Variants in CCDC7 observed in about 807,000 individuals in gnomAD.
CCDC7 encodes coiled-coil domain containing 7.
A neutral mutation model predicts 196.9 loss-of-function variants in CCDC7; 183 were observed. That is an observed-to-expected ratio of 0.93 (90% CI 0.82 to 1.05). CCDC7 has a LOEUF of 1.05. Ranked by LOEUF, CCDC7 falls within the 50% of genes least tolerant of loss-of-function variation. CCDC7 has a pLI of 0.00. For missense variants in CCDC7, 1,540 were observed against 1,482.2 expected (o/e 1.04, Z -0.64); for synonymous variants, 525 against 484.6 (o/e 1.08, Z -1.10).
chr10:32,824,106 C>G (rs1297925832), intron 31 of CCDC7, among the ~76,000 whole-genome samples: 1 of 151,894 alleles, frequency 6.6e-6, no homozygotes, highest in African/African-American at 2.4e-5. Flanking sequence ...GATGTTCCAC[C>G]TCACCAGATA....
chr10:32,568,386 A>G (rs989848069), intron 15 of CCDC7, among the ~76,000 whole-genome samples: 1 of 152,146 alleles, frequency 6.6e-6, no homozygotes, highest in Non-Finnish European at 1.5e-5. Context: ...TATGACTTAA[A>G]TATATACTGA....
chr10:32,561,301 T>A (rs1017336365), intron 13 of CCDC7, among the ~76,000 whole-genome samples: 1 of 152,158 alleles, frequency 6.6e-6, no homozygotes, highest in African/African-American at 2.4e-5. Flanking sequence ...CAAGCAGACC[T>A]AATAGACATC....
chr10:32,481,458 T>C (rs1244448928), intron 8 of CCDC7, among the ~76,000 whole-genome samples: 1 of 152,236 alleles, frequency 6.6e-6, no homozygotes, highest in Non-Finnish European at 1.5e-5. Flanking sequence ...ATGTTTTTGA[T>C]GTTATAATTC....
chr10:32,535,441 A>G (rs1366506399), intron 11 of CCDC7, among the ~76,000 whole-genome samples: 1 of 152,180 alleles, frequency 6.6e-6, no homozygotes, highest in African/African-American at 2.4e-5. Context: ...CAATCAATAC[A>G]TGTGAAGTAT....
intron 41 of CCDC7, among the ~76,000 whole-genome samples, chr10:32,863,104 C>T (rs1048676244): frequency 6.6e-5 from 10 of 151,780 alleles, no homozygotes; most frequent in African/African-American, 1.9e-4. Flanking sequence ...TAACAAAATA[C>T]CAATCAAAAT....
chr10:32,455,479 T>C (rs1014973633), intron 2 of CCDC7, among the ~76,000 whole-genome samples: 3 of 152,054 alleles, frequency 2.0e-5, no homozygotes, highest in African/African-American at 7.2e-5. Context: ...CTCGCCCAGC[T>C]AATTTTTTTG....
At chr10:32,747,965 A>C (rs1180008840) in intron 28 of CCDC7, among the ~76,000 whole-genome samples, 1 of 152,240 alleles carries the variant, frequency 6.6e-6, no homozygotes, top group Non-Finnish European at 1.5e-5. Context: ...GTCAACAAAG[A>C]TGCCTATCAA....
chr10:32,654,570 G>T (rs1371813622), intron 20 of CCDC7, among the ~76,000 whole-genome samples: 1 of 152,086 alleles, frequency 6.6e-6, no homozygotes, highest in Non-Finnish European at 1.5e-5. Context: ...TGCTTAGTTA[G>T]CTTAGTGATC....
intron 13 of CCDC7, among the ~76,000 whole-genome samples, chr10:32,555,560 A>G (rs878869884): frequency 3.3e-5 from 5 of 152,092 alleles, no homozygotes; most frequent in African/African-American, 9.7e-5. Context: ...TAACTTTTTA[A>G]GGAGAGGACA....
At chr10:32,821,797 A>T (rs1388303935) in intron 31 of CCDC7, among the ~76,000 whole-genome samples, 1 of 148,948 alleles carries the variant, frequency 6.7e-6, no homozygotes, top group African/African-American at 2.5e-5. Context: ...AACATCACAC[A>T]CTGGGGCCTG....
At chr10:32,471,443 G>A (rs1266335164) in intron 6 of CCDC7, among the ~76,000 whole-genome samples, 2 of 152,138 alleles carry the variant, frequency 1.3e-5, no homozygotes, top group African/African-American at 4.8e-5. Context: ...CAAATTCAAT[G>A]TAGAAAATCA....
chr10:32,542,952 C>A (rs1053706030), intron 11 of CCDC7, among the ~76,000 whole-genome samples: 2 of 152,068 alleles, frequency 1.3e-5, no homozygotes, highest in Admixed American at 6.6e-5. Context: ...AAGATGTGCA[C>A]CTAACCCATT....
At chr10:32,479,182 T>C (rs2039532770) in intron 8 of CCDC7, among the ~76,000 whole-genome samples, 1 of 152,180 alleles carries the variant, frequency 6.6e-6, no homozygotes, top group Admixed American at 6.5e-5. Context: ...TAATTTTATT[T>C]CTTGCATTCG....
chr10:32,882,108 AG>A (rs1471424238), downstream of CCDC7, among the ~76,000 whole-genome samples: 3 of 152,198 alleles, frequency 2.0e-5, no homozygotes, highest in Admixed American at 1.3e-4. Context: ...AAACATGGTA[AG>A]GAAGACTTTA....
intron 32 of CCDC7, among the ~76,000 whole-genome samples, chr10:32,827,401 T>C (rs2091286001): frequency 6.6e-6 from 1 of 152,174 alleles, no homozygotes; most frequent in African/African-American, 2.4e-5. Flanking sequence ...AGGTTTGTCC[T>C]CACTGGAATA....
At chr10:32,761,154 A>G (rs1254047944) in intron 28 of CCDC7, among the ~76,000 whole-genome samples, 3 of 152,044 alleles carry the variant, frequency 2.0e-5, no homozygotes, top group Admixed American at 6.6e-5. Flanking sequence ...CTAATACTAC[A>G]TTTATTTGGC....
intron 11 of CCDC7, among the ~76,000 whole-genome samples, chr10:32,538,356 A>G (rs1366536606): frequency 6.6e-6 from 1 of 152,156 alleles, no homozygotes; most frequent in South Asian, 2.1e-4. Flanking sequence ...AACTTTGCTG[A>G]CGTTGTTCAT....
chr10:32,482,701 A>G (rs11816745), intron 8 of CCDC7, among the ~76,000 whole-genome samples: 7,908 of 146,456 alleles, frequency 0.054, 681 homozygotes, highest in African/African-American at 0.19. Flanking sequence ...TCCTGTGTCC[A>G]TGTGTTCTCA....
intron 18 of CCDC7, chr10:32,623,831 T>A: frequency 2.1e-6 from 1 of 468,466 alleles, no homozygotes; most frequent in Non-Finnish European, 4.4e-6. Context: ...AGTGTGGGAA[T>A]GAGAGAGTAA....
Sources: allele counts gnomAD v4.1 joint callset (sites outside exome capture counted in the v4.1 genomes callset), GRCh38; gene constraint gnomAD v4.1.1; transcripts MANE v1.5; gene names NCBI Gene and HGNC (gene_info 2026-07-23, HGNC 2026-07-21).